ALB: variants seen among roughly 807,000 people sequenced by gnomAD.
ALB encodes albumin.
Under a neutral mutation model 74.5 loss-of-function variants are expected in ALB, and 37 were observed. The observed-to-expected ratio is 0.50, with a 90% CI of 0.38 to 0.65. The LOEUF is 0.65. Among genes scored for constraint, ALB ranks in the 30% least tolerant of loss-of-function variants. The pLI is 0.00. For missense variants in ALB, 685 were observed against 718.7 expected (o/e 0.95, Z 0.54); for synonymous variants, 249 against 251.6 (o/e 0.99, Z 0.10).
At chr4:73,407,183 G>A (rs1407075009) in intron 3 of ALB, among the ~76,000 whole-genome samples, 1 of 151,974 alleles carries the variant, frequency 6.6e-6, no homozygotes, top group Non-Finnish European at 1.5e-5. Context: ...ATCCATTATT[G>A]TTAACTACGG....
chr4:73,419,705 C>T (rs1421238435), intron 13 of ALB, 66 bp downstream of exon 13: 2 of 1,574,572 alleles, frequency 1.3e-6, no homozygotes, highest in Admixed American at 3.3e-5. Context: ...TAGGCTAGGG[C>T]TTAGGGATTT....
rs112710644 is a variant in ALB, at chr4:73,412,445, A to AT, written c.843+329dup. Among the ~76,000 whole-genome samples, 505 of 151,698 alleles carry AT rather than the reference A, an allele frequency of 3.3e-3. 3 individuals are homozygous for AT. Among genetic ancestry groups the AT allele is most frequent in the African/African-American group, 0.011 (449 of 41,342 alleles). On this transcript the variant is annotated intron_variant, in intron 7 of 14. Coordinates refer to ENST00000295897, the MANE Select transcript of ALB (RefSeq NM_000477.7). ...TCTTGCAAGGTAGATGTCTAAGAAGATTTTTTTTTCTTTTTTTAAGACAGA... is the reference window on the plus strand; with the variant it reads ...TCTTGCAAGGTAGATGTCTAAGAAGATTTTTTTTTTCTTTTTTTAAGACAGA...
At chr4:73,416,207 A>C (rs1433304776) in intron 9 of ALB, 49 bp from the exon 10 acceptor site, 6 of 1,497,942 alleles carry the variant, frequency 4.0e-6, no homozygotes, top group Admixed American at 1.7e-5. Flanking sequence ...AACAACCTGC[A>C]TCTGATCCTG....
chr4:73,419,332 A>G (rs1197701857), intron 12 of ALB, 175 bp from the exon 13 acceptor site: 2 of 654,354 alleles, frequency 3.1e-6, no homozygotes, highest in Middle Eastern at 4.2e-4. Context: ...CTCATCATGC[A>G]GATGAGAATA....
Position 73,412,353 on chromosome 4 carries a change from ATGCTCT to A in ALB, c.843+229_843+234del, listed in dbSNP as rs1185931285. 11 of 564,074 alleles carry A rather than the reference ATGCTCT, an allele frequency of 2.0e-5. No individual in the cohort carries two copies. In the African/African-American group the frequency reaches 2.1e-4, roughly 11 times the overall value. The allele number at this position is 564,074 out of a possible 1,614,324, so 34.9% of individuals were successfully genotyped here. A position where few individuals can be genotyped will look rare whatever the true frequency, so the allele number is the denominator to read the frequency against. ...CACTGATTTGTAACTCCTTTCAGTC[ATGCTCT>A]AACTGTAAATGAAGGCTTAAACTGA... On this transcript the variant is annotated intron_variant, in intron 7 of 14. Transcript: ENST00000295897.
intron 6 of ALB, among the ~76,000 whole-genome samples, chr4:73,411,051 T>C (rs201391882): frequency 6.6e-6 from 1 of 152,198 alleles, no homozygotes; most frequent in East Asian, 1.9e-4. Flanking sequence ...CATACTTTAA[T>C]AGCCGAGTCA....
At chr4:73,410,235 G>T (rs545268057) in intron 5 of ALB, 77 bp from the exon 6 acceptor site, 1 of 1,122,390 alleles carries the variant, frequency 8.9e-7, no homozygotes, top group East Asian at 2.4e-5. Flanking sequence ...ATTTGGCACA[G>T]TCTCATCTGA....
At chr4:73,409,044 A>G in intron 4 of ALB, 2 of 578,894 alleles carry the variant, frequency 3.5e-6, no homozygotes, top group South Asian at 4.5e-5. Flanking sequence ...AAAATTTAAG[A>G]TAGACAAATT....
chr4:73,415,413 T>A, intron 9 of ALB: 1 of 459,650 alleles, frequency 2.2e-6, no homozygotes, highest in South Asian at 2.7e-5. Flanking sequence ...TTTTTTTCTC[T>A]TTTTCACAAT....
Position 73,417,606 on chromosome 4 carries a change from A to G in ALB, c.1365A>G (p.Gly455=), listed in dbSNP as rs772818814. 1.9e-6 allele frequency: 3 copies of G among 1,613,830 alleles called. No individual in the cohort carries two copies. Among genetic ancestry groups the G allele is most frequent in the Non-Finnish European group, 2.5e-6 (3 of 1,179,862 alleles). Residue 455 remains glycine, a synonymous_variant, in exon 11 of 15, where the codon GGA becomes GGG. Coordinates refer to ENST00000295897, the MANE Select transcript of ALB (RefSeq NM_000477.7). ...PTLVEVSRNL[G]KVGSKCCKHP... ...TTGTAGAGGTCTCAAGAAACCTAGGAAAAGTGGGCAGCAAATGTTGTAAAC... is the reference window on the plus strand; with the variant it reads ...TTGTAGAGGTCTCAAGAAACCTAGGGAAAGTGGGCAGCAAATGTTGTAAAC...
chr4:73,409,553 A>G, intron 5 of ALB, 66 bp downstream of exon 5: 1 of 1,603,010 alleles, frequency 6.2e-7, no homozygotes. Context: ...TTTTGTGGCT[A>G]GATTTAGGGA....
intron 2 of ALB, among the ~76,000 whole-genome samples, chr4:73,406,220 C>A (rs931394283): frequency 6.6e-6 from 1 of 152,168 alleles, no homozygotes; most frequent in Non-Finnish European, 1.5e-5. Flanking sequence ...GATTGTGCCA[C>A]TGCACTCCAG....
At chr4:73,414,710 C>T (rs945036182) in intron 8 of ALB, among the ~76,000 whole-genome samples, 1 of 152,160 alleles carries the variant, frequency 6.6e-6, no homozygotes, top group Non-Finnish European at 1.5e-5. Flanking sequence ...CTGCCTCAGC[C>T]TCCTAAAGTG....
intron 7 of ALB, among the ~76,000 whole-genome samples, chr4:73,412,660 G>T (rs1015036158): frequency 1.3e-5 from 2 of 152,044 alleles, no homozygotes; most frequent in Non-Finnish European, 2.9e-5. Flanking sequence ...GTCCAGACTG[G>T]TCTCGAACTC....
At chr4:73,416,056 A>G (rs993863951) in intron 9 of ALB, among the ~76,000 whole-genome samples, 200 bp from the exon 10 acceptor site, 4 of 152,174 alleles carry the variant, frequency 2.6e-5, no homozygotes, top group African/African-American at 4.8e-5. Flanking sequence ...CAGAGCCTGA[A>G]TATTCTTAAC....
intron 12 of ALB, chr4:73,419,269 T>C: frequency 1.9e-6 from 1 of 529,252 alleles, no homozygotes; most frequent in Non-Finnish European, 3.4e-6. Flanking sequence ...TGGTTTATAC[T>C]GATTGTTTCA....
At chr4:73,410,115 C>T (rs553612082) in intron 5 of ALB, among the ~76,000 whole-genome samples, 197 bp from the exon 6 acceptor site, 4 of 152,162 alleles carry the variant, frequency 2.6e-5, no homozygotes, top group South Asian at 4.2e-4. Flanking sequence ...TAGGGAATTC[C>T]GCTGTGACCA....
At chr4:73,408,859 A>T (rs946123062) in intron 4 of ALB, 54 bp downstream of exon 4, 29 of 1,375,932 alleles carry the variant, frequency 2.1e-5, no homozygotes, top group Non-Finnish European at 2.2e-5. Flanking sequence ...GTAACTCCAT[A>T]GGCCAACACT....
In ALB at chr4:73,406,770, A is replaced by T. The variant is rs758562878; in HGVS notation, c.270+9A>T. The T allele has an allele frequency of 1.2e-6, 2 of 1,613,536 alleles. No homozygotes were observed. The highest frequency in any genetic ancestry group is 8.5e-7 in the Non-Finnish European group (1 of 1,179,842). On this transcript the variant is annotated intron_variant, in intron 3 of 14. Transcript: ENST00000295897. ...ATTGTGACAAATCACTTGTAAGTACATTCTAATTGTGGAGATTCTTTCTTC... is the reference window on the plus strand; with the variant it reads ...ATTGTGACAAATCACTTGTAAGTACTTTCTAATTGTGGAGATTCTTTCTTC...
Sources: gnomAD v4.1 joint callset for allele counts (sites outside exome capture counted in the v4.1 genomes callset) on GRCh38, gnomAD v4.1.1 for gene constraint, MANE v1.5 for transcripts, NCBI Gene and HGNC (gene_info 2026-07-23, HGNC 2026-07-21) for gene names.